Variants in TBC1D32 observed in about 807,000 individuals in gnomAD.
TBC1D32 encodes protein broad-minded.
In TBC1D32, 151 loss-of-function variants were observed where a neutral mutation model predicts 170.3. The ratio of observed to expected loss-of-function variants is 0.89; its 90% CI spans 0.78 to 1.01. The LOEUF (loss-of-function observed/expected upper bound fraction) is 1.01. Ranked by LOEUF, TBC1D32 falls within the 50% of genes least tolerant of loss-of-function variation. The pLI, the probability that TBC1D32 is intolerant of heterozygous loss-of-function variation, is 0.00. For missense variants in TBC1D32, 1,464 were observed against 1,457.1 expected (o/e 1.00, Z -0.08); for synonymous variants, 498 against 488.0 (o/e 1.02, Z -0.27).
intron 20 of TBC1D32, among the ~76,000 whole-genome samples, chr6:121,235,534 C>T (rs941171378): frequency 2.0e-5 from 3 of 152,136 alleles, no homozygotes; most frequent in Middle Eastern, 3.2e-3. Context: ...GTGAGGAAAG[C>T]TGGCAGTCAC....
At chr6:121,213,886 T>C (rs1270026514) in intron 21 of TBC1D32, among the ~76,000 whole-genome samples, 2 of 152,104 alleles carry the variant, frequency 1.3e-5, no homozygotes, top group South Asian at 2.1e-4. Context: ...GTTACCTGAC[T>C]TGGAAGGACT....
intron 3 of TBC1D32, among the ~76,000 whole-genome samples, chr6:121,314,594 T>C (rs1211864812): frequency 1.3e-5 from 2 of 152,218 alleles, no homozygotes; most frequent in Non-Finnish European, 2.9e-5. Context: ...TGGGGTGAAG[T>C]TCCCTTGGAA....
intron 15 of TBC1D32, among the ~76,000 whole-genome samples, chr6:121,268,487 C>T (rs1231336746): frequency 1.3e-5 from 2 of 151,986 alleles, no homozygotes; most frequent in East Asian, 1.9e-4. Flanking sequence ...GTAGCCAGTT[C>T]GATCAACTGG....
intron 21 of TBC1D32, among the ~76,000 whole-genome samples, chr6:121,212,143 G>C (rs553036374): frequency 1.3e-5 from 2 of 152,042 alleles, no homozygotes; most frequent in South Asian, 4.2e-4. Context: ...TAAATTCCTG[G>C]ACACATATGC....
chr6:121,221,222 G>T (rs999184459), intron 21 of TBC1D32, among the ~76,000 whole-genome samples: 5 of 152,120 alleles, frequency 3.3e-5, no homozygotes, highest in African/African-American at 1.2e-4. Context: ...GACTGCATGG[G>T]TTTACTGCAG....
chr6:121,307,635 G>A (rs977053555), intron 5 of TBC1D32, among the ~76,000 whole-genome samples: 1 of 152,078 alleles, frequency 6.6e-6, no homozygotes, highest in East Asian at 1.9e-4. Context: ...CAAGGTGGGC[G>A]GATCACCTGA....
At chr6:121,229,927 G>A (rs1795527973) in intron 20 of TBC1D32, among the ~76,000 whole-genome samples, 1 of 151,968 alleles carries the variant, frequency 6.6e-6, no homozygotes, top group Non-Finnish European at 1.5e-5. Context: ...TGGTTTAAAT[G>A]TGTTTGGCAG....
chr6:121,123,258 T>C (rs117361324), intron 26 of TBC1D32, among the ~76,000 whole-genome samples: 54 of 152,260 alleles, frequency 3.5e-4, no homozygotes, highest in Admixed American at 6.5e-4. Flanking sequence ...TGTTGAATTG[T>C]ATCAAATGCA....
rs972533085 is a variant in TBC1D32, at chr6:121,328,388, C to T, written c.155+5888G>A. On this transcript the variant is annotated intron_variant, in intron 1 of 31. Transcript: ENST00000398212. ...GCAAGCTCCGCCTCCCAGGTTCACG[C>T]CATTCTCCTGCCTCAGCCTACCGAG... 3.3e-5 allele frequency among the ~76,000 whole-genome samples: 5 copies of T among 151,972 alleles called. No homozygotes were observed. In the South Asian group the frequency reaches 1.0e-3, roughly 31 times the overall value.
At chr6:121,238,230 G>A (rs1158926718) in intron 20 of TBC1D32, among the ~76,000 whole-genome samples, 1 of 151,994 alleles carries the variant, frequency 6.6e-6, no homozygotes, top group Non-Finnish European at 1.5e-5. Context: ...TCTATCAGTG[G>A]AGCACAAATT....
chr6:121,099,630 C>T (rs1421931605), intron 30 of TBC1D32, among the ~76,000 whole-genome samples: 1 of 151,872 alleles, frequency 6.6e-6, no homozygotes, highest in African/African-American at 2.4e-5. Context: ...CAAATAATTA[C>T]TTAATCACAT....
intron 14 of TBC1D32, among the ~76,000 whole-genome samples, chr6:121,280,484 T>C (rs1802828076): frequency 6.6e-6 from 1 of 151,694 alleles, no homozygotes; most frequent in Admixed American, 6.6e-5. Context: ...AATTCAAACA[T>C]AATGTAAGTA....
intron 24 of TBC1D32, among the ~76,000 whole-genome samples, chr6:121,158,852 C>T (rs1210952198): frequency 2.0e-5 from 3 of 152,124 alleles, no homozygotes; most frequent in African/African-American, 7.2e-5. Flanking sequence ...TCTTAGAATT[C>T]TCTAGCCTAA....
Position 121,131,698 on chromosome 6 carries a change from TCA to T in TBC1D32, c.2826_2827del (p.Glu943MetfsTer18). On this transcript the variant is annotated frameshift_variant, in exon 25 of 32. Transcript: ENST00000398212. LOFTEE classifies it high-confidence loss of function. ...TTGTCTTTGGCAGTTTTCTATCCAT[TCA>T]GTTTGTTTATCAGATATTTTGAGGC... 1 of 1,610,268 alleles carries T rather than the reference TCA, an allele frequency of 6.2e-7. No homozygotes were observed. Among genetic ancestry groups the T allele is most frequent in the Non-Finnish European group, 8.5e-7 (1 of 1,177,698 alleles).
At chr6:121,102,470 C>G (rs1352485670) in intron 30 of TBC1D32, among the ~76,000 whole-genome samples, 1 of 151,926 alleles carries the variant, frequency 6.6e-6, no homozygotes, top group Admixed American at 6.6e-5. Context: ...ACAAACCTGA[C>G]AAAAACAAGA....
chr6:121,171,668 T>C (rs1192031792), intron 22 of TBC1D32, among the ~76,000 whole-genome samples: 5 of 151,984 alleles, frequency 3.3e-5, no homozygotes, highest in African/African-American at 1.2e-4. Context: ...AAAATGTATG[T>C]GGAGGGAGGG....
chr6:121,261,411 G>C (rs1799751953), intron 15 of TBC1D32, among the ~76,000 whole-genome samples: 1 of 152,194 alleles, frequency 6.6e-6, no homozygotes, highest in African/African-American at 2.4e-5. Context: ...AGATCCCAGA[G>C]GAAAGAGCCA....
chr6:121,218,776 G>T (rs1442589643), intron 21 of TBC1D32, among the ~76,000 whole-genome samples: 1 of 152,028 alleles, frequency 6.6e-6, no homozygotes, highest in East Asian at 1.9e-4. Context: ...TGAATCATGG[G>T]GGCAGTTACC....
Position 121,241,560 on chromosome 6 carries a change from C to T in TBC1D32, c.2158-8G>A. ...TTTTTTATGCCTGCTGACCTAACAGCATAAATAAGGAACAGCAATGAAAAG... is the reference window on the plus strand; with the variant it reads ...TTTTTTATGCCTGCTGACCTAACAGTATAAATAAGGAACAGCAATGAAAAG... On this transcript the variant is annotated splice_region_variant and splice_polypyrimidine_tract_variant and intron_variant, in intron 18 of 31. Coordinates refer to ENST00000398212, the MANE Select transcript of TBC1D32 (RefSeq NM_152730.6). 7 of 1,611,394 alleles carry T rather than the reference C, an allele frequency of 4.3e-6. No homozygotes were observed. Among genetic ancestry groups the T allele is most frequent in the Non-Finnish European group, 5.9e-6 (7 of 1,178,110 alleles).
Sources: gnomAD v4.1 joint callset for allele counts (sites outside exome capture counted in the v4.1 genomes callset) on GRCh38, gnomAD v4.1.1 for gene constraint, MANE v1.5 for transcripts, NCBI Gene and HGNC (gene_info 2026-07-23, HGNC 2026-07-21) for gene names.